PPFIBP2: variants seen among roughly 807,000 people sequenced by gnomAD.
PPFIBP2 encodes PPFIB scaffold protein 2.
In PPFIBP2, 118 loss-of-function variants were observed where a neutral mutation model predicts 118.3. The ratio of observed to expected loss-of-function variants is 1.00; its 90% confidence interval spans 0.86 to 1.16. PPFIBP2 has a LOEUF of 1.16. PPFIBP2 is among the 50% of genes most tolerant of loss of function. PPFIBP2 has a pLI of 0.00. For synonymous variants in PPFIBP2, 414 were observed against 397.4 expected, an observed-to-expected ratio of 1.04 and a Z score of -0.50; for missense variants, 1,195 against 1,073.1, an observed-to-expected ratio of 1.11 and a Z score of -1.59.
the PPFIBP2 span, chr11:7,665,577 A>T: frequency 5.7e-6 from 9 of 1,571,886 alleles, no homozygotes; most frequent in Non-Finnish European, 7.8e-6. Flanking sequence ...GAGCAAGCTG[A>T]GCGATGCCAG....
downstream of PPFIBP2, chr11:7,655,264 G>A (rs1005450664): frequency 2.5e-5 from 10 of 403,174 alleles, no homozygotes; most frequent in Non-Finnish European, 4.3e-5. Flanking sequence ...GGAGCAGCAT[G>A]TGCTCCACCC....
chr11:7,516,708 C>T (rs910936246), intron 1 of PPFIBP2, among the ~76,000 whole-genome samples: 2 of 152,124 alleles, frequency 1.3e-5, no homozygotes, highest in African/African-American at 4.8e-5. Context: ...GCACAGTACC[C>T]AGACGGCCCC....
intron 3 of PPFIBP2, among the ~76,000 whole-genome samples, chr11:7,581,409 A>C (rs1482372727): frequency 6.6e-6 from 1 of 152,154 alleles, no homozygotes; most frequent in Non-Finnish European, 1.5e-5. Flanking sequence ...GCAAATTCCA[A>C]CTGTAGGTCA....
intron 12 of PPFIBP2, among the ~76,000 whole-genome samples, chr11:7,633,315 G>A (rs1251237382): frequency 6.6e-6 from 1 of 152,176 alleles, no homozygotes; most frequent in Non-Finnish European, 1.5e-5. Context: ...GACAGTCGAA[G>A]CTTTCTAGGG....
At chr11:7,521,117 G>A (rs4078256) in intron 1 of PPFIBP2, among the ~76,000 whole-genome samples, 78,848 of 151,836 alleles carry the variant, frequency 0.52, 20,938 homozygotes, top group African/African-American at 0.6. Context: ...TAAGGTCGTT[G>A]GCTTGGTTCT....
intron 5 of PPFIBP2, among the ~76,000 whole-genome samples, chr11:7,604,411 G>A (rs1331065627): frequency 1.3e-5 from 2 of 151,694 alleles, no homozygotes; most frequent in Non-Finnish European, 2.9e-5. Flanking sequence ...GTTGAGGAGT[G>A]ACACACACAT....
intron 1 of PPFIBP2, among the ~76,000 whole-genome samples, chr11:7,543,944 C>CA (rs1465185422): frequency 3.9e-5 from 6 of 152,196 alleles, no homozygotes; most frequent in African/African-American, 1.4e-4. Flanking sequence ...GGCATGTCAT[C>CA]ATACCTTGCC....
intron 21 of PPFIBP2, among the ~76,000 whole-genome samples, chr11:7,650,587 G>A (rs1853837615): frequency 6.6e-6 from 1 of 152,202 alleles, no homozygotes. Flanking sequence ...AAGTTAGCTG[G>A]AAAATGATGG....
chr11:7,662,452 C>G, the PPFIBP2 span, among the ~76,000 whole-genome samples: 3 of 151,894 alleles, frequency 2.0e-5, no homozygotes, highest in Non-Finnish European at 2.9e-5. Context: ...AAATTCTTTT[C>G]TTTAAGAATG....
chr11:7,565,480 C>T (rs1854859100), intron 2 of PPFIBP2, 73 bp from the exon 3 acceptor site: 16 of 1,496,864 alleles, frequency 1.1e-5, no homozygotes, highest in African/African-American at 1.4e-5. Flanking sequence ...TCTTCACCAC[C>T]TTTGCTCTTT....
rs548708787 is a variant in PPFIBP2 at position 7,594,063 on chromosome 11, G to A, written c.372+839G>A. 9.2e-5 allele frequency among the ~76,000 whole-genome samples: 14 copies of A among 152,274 alleles called. No homozygotes were observed. In the South Asian group the frequency reaches 2.1e-3, roughly 23 times the overall value. On this transcript the variant is annotated intron_variant, in intron 4 of 23. Coordinates refer to ENST00000299492, the MANE Select transcript of PPFIBP2 (RefSeq NM_003621.5). ...GGTAGAATGAAGGGAGGGGTTGAGCGGGGCCTGGAACCCACCCCAGGCTAT... is the reference window on the plus strand; with the variant it reads ...GGTAGAATGAAGGGAGGGGTTGAGCAGGGCCTGGAACCCACCCCAGGCTAT...
Position 7,653,366 on chromosome 11 carries a change from C to A in PPFIBP2, c.*148C>A. ...GTACCCCTGGGCCAGTCTCTTTGAA[C>A]CCTGAGGGTGGCCAGGATCTGGAGC... On this transcript the variant is annotated 3_prime_UTR_variant, in exon 24 of 24. Transcript: ENST00000299492. 1 of 1,485,722 alleles carries A rather than the reference C, an allele frequency of 6.7e-7. No homozygotes were observed. Among genetic ancestry groups the A allele is most frequent in the Non-Finnish European group, 8.9e-7 (1 of 1,122,130 alleles). The allele number at this position is 1,485,722 out of a possible 1,614,324, so 92.0% of individuals were successfully genotyped here.
At position 7,584,728 on chromosome 11, in the gene PPFIBP2, A is replaced by G. The variant is rs75797671; in HGVS notation, c.280-8404A>G. ...AATTGACTGTAGCTTTTGTGATCCAATCATTTTTGTTTATTTATTTATTTT... is the reference window on the plus strand; with the variant it reads ...AATTGACTGTAGCTTTTGTGATCCAGTCATTTTTGTTTATTTATTTATTTT... On this transcript the variant is annotated intron_variant, in intron 3 of 23. Coordinates refer to ENST00000299492, the MANE Select transcript of PPFIBP2 (RefSeq NM_003621.5). Among the ~76,000 whole-genome samples, 39 of 152,228 alleles carry G rather than the reference A, an allele frequency of 2.6e-4. No homozygotes were observed. In the East Asian group the frequency reaches 7.1e-3, roughly 28 times the overall value.
rs73407344 is a variant in PPFIBP2 at position 7,516,541 on chromosome 11, C to A, written c.-37+2420C>A. Among the ~76,000 whole-genome samples the A allele has an allele frequency of 8.3e-3, 1,256 of 152,200 alleles. 18 individuals are homozygous for A. The highest frequency in any genetic ancestry group is 0.029 in the African/African-American group (1,203 of 41,504). Reference sequence around the variant, plus strand: ...GGTTCGAACCCCGAGAGCCTGCCAACAGACAACATGAGGCGGTGTGGGGCA... The same window carrying A: ...GGTTCGAACCCCGAGAGCCTGCCAAAAGACAACATGAGGCGGTGTGGGGCA... On this transcript the variant is annotated intron_variant, in intron 1 of 23. Transcript: ENST00000299492.
chr11:7,570,638 A>C (rs1855556894), intron 3 of PPFIBP2, among the ~76,000 whole-genome samples: 2 of 152,178 alleles, frequency 1.3e-5, no homozygotes, highest in African/African-American at 2.4e-5. Context: ...GGGTACATGG[A>C]GTAGGCTTGG....
rs565850772 is a variant in PPFIBP2, at chr11:7,589,438, A to G, written c.280-3694A>G. 2.2e-4 allele frequency among the ~76,000 whole-genome samples: 34 copies of G among 152,190 alleles called. No individual in the cohort carries two copies. In the South Asian group the frequency reaches 7.1e-3, roughly 32 times the overall value. On this transcript the variant is annotated intron_variant, in intron 3 of 23. Coordinates refer to ENST00000299492, the MANE Select transcript of PPFIBP2 (RefSeq NM_003621.5). ...GAAACCCCATCTCTACCAAAAATAC[A>G]AAAAATTAGCTGGGCATGGTGGTGC...
At chr11:7,642,479 T>C in intron 17 of PPFIBP2, 53 bp downstream of exon 17, 1 of 1,564,080 alleles carries the variant, frequency 6.4e-7, no homozygotes, top group Middle Eastern at 1.7e-4. Context: ...AAGAAGTATC[T>C]CCCTTCAAAC....
intron 5 of PPFIBP2, among the ~76,000 whole-genome samples, chr11:7,601,571 A>G (rs1846632721): frequency 6.6e-6 from 1 of 152,106 alleles, no homozygotes; most frequent in Non-Finnish European, 1.5e-5. Context: ...AGCTACAAGC[A>G]TCTCTCAGGA....
chr11:7,535,502 G>A (rs557565373), intron 1 of PPFIBP2, among the ~76,000 whole-genome samples: 1 of 152,312 alleles, frequency 6.6e-6, no homozygotes, highest in Non-Finnish European at 1.5e-5. Context: ...CTGGATGTGT[G>A]ATTTGACCAA....
Sources: allele counts gnomAD v4.1 joint callset (sites outside exome capture counted in the v4.1 genomes callset), GRCh38; gene constraint gnomAD v4.1.1; transcripts MANE v1.5; gene names NCBI Gene and HGNC (gene_info 2026-07-23, HGNC 2026-07-21).